Variants in FMN1 observed in about 807,000 individuals in gnomAD.
FMN1 encodes the protein formin 1, also known as formin-1.
Under a neutral mutation model 132.4 loss-of-function variants are expected in FMN1, and 110 were observed. The ratio of observed to expected loss-of-function variants is 0.83; its 90% confidence interval spans 0.71 to 0.97. FMN1 has a LOEUF of 0.97. Among genes scored for constraint, FMN1 ranks in the 50% least tolerant of loss-of-function variants. The pLI, the probability that FMN1 is intolerant of heterozygous loss-of-function variation, is 0.00. For synonymous variants in FMN1, 722 were observed against 651.7 expected (o/e 1.11, Z -1.64); for missense variants, 1,792 against 1,705.3 (o/e 1.05, Z -0.90).
At chr15:32,833,134 A>G (rs1049461639) in intron 17 of FMN1, among the ~76,000 whole-genome samples, 2 of 151,888 alleles carry the variant, frequency 1.3e-5, no homozygotes, top group African/African-American at 4.8e-5. Context: ...TAGCTTTCTA[A>G]TTTCTTCTTG....
chr15:33,002,390 A>G (rs1057023060), intron 7 of FMN1, among the ~76,000 whole-genome samples: 2 of 152,240 alleles, frequency 1.3e-5, no homozygotes, highest in Non-Finnish European at 2.9e-5. Context: ...AGATGAGTCC[A>G]CTACTTAGTG....
rs1491184174 is a variant in FMN1, at chr15:32,783,784, A to AAAAAAAAG, written c.4131-6866_4131-6865insCTTTTTTT. Among the ~76,000 whole-genome samples the AAAAAAAAG allele has an allele frequency of 3.0e-4, 32 of 105,868 alleles. 13 individuals are homozygous for AAAAAAAAG. In the East Asian group the frequency reaches 3.5e-3, roughly 11 times the overall value. 69.5% of individuals were successfully genotyped at this position (105,868 alleles called of 152,430 possible). On this transcript the variant is annotated intron_variant, in intron 19 of 20. Transcript: ENST00000616417. ...AAAAAAAAAAAAAAAAAAAAAAAAAATAGTTGAAGTGGCGTGGCTTTCCAT... is the reference window on the plus strand; with the variant it reads ...AAAAAAAAAAAAAAAAAAAAAAAAAAAAAAAAAGTAGTTGAAGTGGCGTGGCTTTCCAT...
At chr15:33,183,510 A>G (rs1209317031) in intron 2 of FMN1, among the ~76,000 whole-genome samples, 1 of 152,238 alleles carries the variant, frequency 6.6e-6, no homozygotes, top group Non-Finnish European at 1.5e-5. Context: ...TCGAATTTCT[A>G]TAGTTTAATC....
chr15:32,824,841 C>T lies in FMN1; in HGVS notation c.3929-20509G>A, dbSNP rs140423403. 2.6e-5 allele frequency among the ~76,000 whole-genome samples: 4 copies of T among 152,388 alleles called. No individual in the cohort carries two copies. The East Asian group carries it at 7.7e-4, about 29-fold the overall frequency. On this transcript the variant is annotated intron_variant, in intron 17 of 20. Transcript: ENST00000616417. ...AATCTCTATCATCAACTCCAAACTA[C>T]ATTCTCAACATCAGATTTGCATTTC... is the stretch of plus-strand genomic sequence containing the variant.
At chr15:32,911,833 T>C (rs1277294648) in intron 10 of FMN1, among the ~76,000 whole-genome samples, 1 of 151,600 alleles carries the variant, frequency 6.6e-6, no homozygotes, top group Non-Finnish European at 1.5e-5. Flanking sequence ...CAAAGGCCAA[T>C]GTGAAACCAG....
At chr15:32,957,107 G>C (rs1470550453) in intron 9 of FMN1, among the ~76,000 whole-genome samples, 1 of 152,074 alleles carries the variant, frequency 6.6e-6, no homozygotes, top group Non-Finnish European at 1.5e-5. Flanking sequence ...TAAAAAGACA[G>C]AGACAGAGAG....
At chr15:32,993,109 C>CT (rs888192228) in intron 7 of FMN1, among the ~76,000 whole-genome samples, 1 of 152,070 alleles carries the variant, frequency 6.6e-6, no homozygotes, top group Non-Finnish European at 1.5e-5. Flanking sequence ...GCTGCAGTCT[C>CT]TTAACACCTG....
At chr15:32,944,248 T>C (rs1001065790) in intron 9 of FMN1, among the ~76,000 whole-genome samples, 28 of 152,216 alleles carry the variant, frequency 1.8e-4, no homozygotes, top group African/African-American at 6.5e-4. Flanking sequence ...CCCCTTCTTC[T>C]TCCCTGCTCC....
chr15:32,938,106 T>C (rs2061321020), intron 9 of FMN1, among the ~76,000 whole-genome samples: 1 of 152,144 alleles, frequency 6.6e-6, no homozygotes, highest in African/African-American at 2.4e-5. Context: ...CTTTTTTTTT[T>C]CACTGTGTAG....
At chr15:33,067,547 C>T (rs1480725905) in intron 5 of FMN1, 3 of 1,613,890 alleles carry the variant, frequency 1.9e-6, no homozygotes, top group Non-Finnish European at 2.5e-6. Flanking sequence ...GAGAGATGTC[C>T]CTGCTTCTTT....
At position 32,785,214 on chromosome 15, in the gene FMN1, A is replaced by T. The variant is rs1407558972; in HGVS notation, c.4131-8295T>A. Among the ~76,000 whole-genome samples, 17 of 22,142 alleles carry T rather than the reference A, an allele frequency of 7.7e-4. 2 individuals are homozygous for T. Among genetic ancestry groups the T allele is most frequent in the East Asian group, 4.9e-3 (6 of 1,234 alleles). 14.5% of individuals were successfully genotyped at this position (22,142 alleles called of 152,430 possible). A position where few individuals can be genotyped will look rare whatever the true frequency, so the allele number is the denominator to read the frequency against. On this transcript the variant is annotated intron_variant, in intron 19 of 20. Coordinates refer to ENST00000616417, the MANE Select transcript of FMN1 (RefSeq NM_001277313.2). Reference sequence around the variant, plus strand: ...TGTGTGTGTGTGTATATATATATATATATATTTTTTTTTTTTTTTTTTTGT... The same window carrying T: ...TGTGTGTGTGTGTATATATATATATTTATATTTTTTTTTTTTTTTTTTTGT...
intron 19 of FMN1, among the ~76,000 whole-genome samples, chr15:32,777,578 C>T (rs1464921191): frequency 6.9e-6 from 1 of 144,658 alleles, no homozygotes; most frequent in African/African-American, 2.5e-5. Context: ...TTATATATTA[C>T]GTATAACATA....
chr15:32,874,017 G>GTT (rs962842419), intron 16 of FMN1, among the ~76,000 whole-genome samples: 1,176 of 115,062 alleles, frequency 0.01, 55 homozygotes, highest in African/African-American at 0.037. Context: ...TATTTTAGTT[G>GTT]TTTTTTTTTT....
intron 17 of FMN1, among the ~76,000 whole-genome samples, chr15:32,817,825 C>G (rs996432564): frequency 6.6e-6 from 1 of 152,214 alleles, no homozygotes; most frequent in Non-Finnish European, 1.5e-5. Context: ...TCAATCATAA[C>G]TGTCATCCTC....
intron 17 of FMN1, among the ~76,000 whole-genome samples, chr15:32,837,872 C>T (rs117316106): frequency 6.6e-6 from 1 of 152,152 alleles, no homozygotes; most frequent in African/African-American, 2.4e-5. Context: ...TAATTCCTTG[C>T]CCATCAACAG....
At chr15:32,852,079 G>A (rs991122253) in intron 17 of FMN1, among the ~76,000 whole-genome samples, 13 of 151,936 alleles carry the variant, frequency 8.6e-5, no homozygotes, top group African/African-American at 3.1e-4. Context: ...TCTTTTCTTT[G>A]GGCTATCTCA....
At position 32,900,665 on chromosome 15, in the gene FMN1, A is replaced by T. The variant is rs145344914; in HGVS notation, c.3508-540T>A. ...GCTGTAGGCCATCTTTAATAAATTT[A>T]TTAAACTTACTTTATTAAGTGCTTG... is the stretch of plus-strand genomic sequence containing the variant. On this transcript the variant is annotated intron_variant, in intron 13 of 20. Coordinates refer to ENST00000616417, the MANE Select transcript of FMN1 (RefSeq NM_001277313.2). Among the ~76,000 whole-genome samples, 339 of 152,344 alleles carry T rather than the reference A, an allele frequency of 2.2e-3. 1 individual carries two copies. The highest frequency in any genetic ancestry group is 8.0e-3 in the African/African-American group (334 of 41,584).
intron 17 of FMN1, among the ~76,000 whole-genome samples, chr15:32,854,889 G>A (rs530449767): frequency 6.6e-6 from 1 of 151,548 alleles, no homozygotes; most frequent in East Asian, 1.9e-4. Context: ...ACTCCAGCCT[G>A]GGCAATGAGG....
chr15:33,016,239 AC>A (rs1316947376), intron 6 of FMN1, among the ~76,000 whole-genome samples: 3 of 152,226 alleles, frequency 2.0e-5, no homozygotes, highest in Admixed American at 1.3e-4. Flanking sequence ...ACAAATTCAA[AC>A]AAACTCATCC....
Sources: allele counts gnomAD v4.1 joint callset (sites outside exome capture counted in the v4.1 genomes callset), GRCh38; gene constraint gnomAD v4.1.1; transcripts MANE v1.5; gene names NCBI Gene and HGNC (gene_info 2026-07-23, HGNC 2026-07-21).